Variants in GSE1 observed in about 807,000 individuals in gnomAD.
GSE1 encodes Gse1 coiled-coil protein, also known as genetic suppressor element 1.
Under a neutral mutation model 112.6 loss-of-function variants are expected in GSE1, and 32 were observed. The ratio of observed to expected loss-of-function variants is 0.28; its 90% CI spans 0.21 to 0.38. The LOEUF (loss-of-function observed/expected upper bound fraction) is 0.38, where lower values mean the gene tolerates loss of function less well. Ranked by LOEUF, GSE1 falls within the 10% of genes least tolerant of loss-of-function variation. The probability of loss-of-function intolerance (pLI) is 1.00; values close to 1 mark genes in which losing one functional copy is unlikely to be tolerated. For missense variants in GSE1, 2,348 were observed against 1,699.2 expected (o/e 1.38, Z -6.71); for synonymous variants, 1,115 against 735.6 (o/e 1.52, Z -8.35).
intron 1 of GSE1, among the ~76,000 whole-genome samples, chr16:85,211,300 T>G (rs74791757): frequency 0.054 from 7,789 of 143,498 alleles, 672 homozygotes; most frequent in African/African-American, 0.19. Context: ...AGGCTTGTGG[T>G]TTTTTTTTTT....
chr16:85,192,424 A>G (rs1555536575), intron 1 of GSE1, among the ~76,000 whole-genome samples: 1 of 152,228 alleles, frequency 6.6e-6, no homozygotes, highest in Non-Finnish European at 1.5e-5. Flanking sequence ...CAATGTGCCA[A>G]GCATTGTTAT....
intron 2 of GSE1, among the ~76,000 whole-genome samples, chr16:85,422,583 G>GA (rs34403123): frequency 1.0e-3 from 135 of 131,836 alleles, no homozygotes; most frequent in East Asian, 6.4e-3. Flanking sequence ...CTGGCCAAAA[G>GA]AAAAAAAAAA....
At chr16:85,602,713 C>A (rs898198496) in intron 1 of GSE1, among the ~76,000 whole-genome samples, 2 of 152,178 alleles carry the variant, frequency 1.3e-5, no homozygotes, top group African/African-American at 4.8e-5. Flanking sequence ...TGAGGACAGC[C>A]GGTTGATCTT....
At position 85,331,716 on chromosome 16, in the gene GSE1, T is replaced by A. The variant is rs1305241244; in HGVS notation, c.2284-25747T>A. 8.8e-4 allele frequency among the ~76,000 whole-genome samples: 111 copies of A among 125,650 alleles called. 2 individuals carry two copies. The highest frequency in any genetic ancestry group is 2.5e-3 in the East Asian group (11 of 4,374). 82.4% of individuals were successfully genotyped at this position (125,650 alleles called of 152,430 possible). On this transcript the variant is annotated intron_variant, in intron 1 of 2. Coordinates refer to the GSE1 transcript ENST00000637419. ...ATATATATATATATATATTTTTTTT[T>A]TTTTTTTTTTTAGTTAAGATGGGGT...
At chr16:85,601,656 C>T (rs1198341325) in intron 1 of GSE1, among the ~76,000 whole-genome samples, 1 of 152,202 alleles carries the variant, frequency 6.6e-6, no homozygotes, top group Admixed American at 6.5e-5. Context: ...ACAACTTTGT[C>T]CATCTAACCT....
At position 85,304,610 on chromosome 16, in the gene GSE1, G is replaced by T. The variant is rs531934544; in HGVS notation, c.2284-52853G>T. 2.1e-3 allele frequency among the ~76,000 whole-genome samples: 258 copies of T among 124,690 alleles called. 3 individuals are homozygous for T. Among genetic ancestry groups the T allele is most frequent in the South Asian group, 3.4e-3 (10 of 2,980 alleles). 81.8% of individuals were successfully genotyped at this position (124,690 alleles called of 152,430 possible). A position where few individuals can be genotyped will look rare whatever the true frequency, so the allele number is the denominator to read the frequency against. On this transcript the variant is annotated intron_variant, in intron 1 of 2. Transcript: ENST00000637419. ...GCTGCCAAGCCGGGGGCGGGGGGGT[G>T]GGGCATCCCTTTTGCCTTGAGTCCA...
intron 1 of GSE1, among the ~76,000 whole-genome samples, chr16:85,559,575 G>A (rs1035547902): frequency 6.6e-6 from 1 of 152,270 alleles, no homozygotes; most frequent in Non-Finnish European, 1.5e-5. Flanking sequence ...GCAGTTCACA[G>A]TCAGGCTGGC....
At chr16:85,516,269 G>T (rs1598029430) in intron 2 of GSE1, among the ~76,000 whole-genome samples, 1 of 152,036 alleles carries the variant, frequency 6.6e-6, no homozygotes, top group East Asian at 1.9e-4. Flanking sequence ...CCTTGGGCAG[G>T]CTGCTGCTCT....
intron 1 of GSE1, among the ~76,000 whole-genome samples, chr16:85,181,755 G>A (rs1236286111): frequency 6.6e-6 from 1 of 152,186 alleles, no homozygotes; most frequent in Non-Finnish European, 1.5e-5. Context: ...GACAGGACTG[G>A]CCATGGGGCT....
chr16:85,336,405 A>G (rs543498014), intron 1 of GSE1, among the ~76,000 whole-genome samples: 2 of 152,338 alleles, frequency 1.3e-5, no homozygotes, highest in South Asian at 2.1e-4. Flanking sequence ...ACAGAGCTTC[A>G]GAGATGCCGA....
intron 1 of GSE1, among the ~76,000 whole-genome samples, chr16:85,341,190 G>C (rs1014872702): frequency 6.7e-6 from 1 of 150,016 alleles, no homozygotes; most frequent in Admixed American, 6.6e-5. Context: ...TAGGGGCTCT[G>C]TTGTTTACTT....
At chr16:85,357,241 C>G (rs1221386310) in intron 1 of GSE1, among the ~76,000 whole-genome samples, 6 of 152,228 alleles carry the variant, frequency 3.9e-5, no homozygotes, top group East Asian at 3.8e-4. Context: ...GGGGTCCAGC[C>G]TGGTGTTCCC....
At chr16:85,211,192 G>C (rs1294865134) in intron 1 of GSE1, among the ~76,000 whole-genome samples, 1 of 152,172 alleles carries the variant, frequency 6.6e-6, no homozygotes, top group Non-Finnish European at 1.5e-5. Flanking sequence ...GAGTTCCTTA[G>C]GGCCTCACTT....
intron 1 of GSE1, among the ~76,000 whole-genome samples, chr16:85,252,154 A>C (rs1906554919): frequency 6.6e-6 from 1 of 151,720 alleles, no homozygotes; most frequent in South Asian, 2.1e-4. Context: ...TACTGAGTAG[A>C]TGCTCAGTAA....
At chr16:85,482,507 C>CG (rs139092184) in intron 2 of GSE1, among the ~76,000 whole-genome samples, 2 of 151,998 alleles carry the variant, frequency 1.3e-5, no homozygotes, top group African/African-American at 2.4e-5. Flanking sequence ...AGTTCCCCCC[C>CG]CAAATAAAAT....
Position 85,524,245 on chromosome 16 carries a change from C to T in GSE1, c.2465-109669C>T, listed in dbSNP as rs117228356. The stretch of plus-strand genomic sequence containing the variant: ...CCTTTGGATGTCAGCAGAGGTGACG[C>T]GGGGTGGCGGGGATGGTAAGAGCTC... On this transcript the variant is annotated intron_variant, in intron 2 of 2. Transcript: ENST00000637419. Among the ~76,000 whole-genome samples, 107 of 152,190 alleles carry T rather than the reference C, an allele frequency of 7.0e-4. 1 individual carries two copies. The highest frequency in any genetic ancestry group is 4.9e-3 in the Admixed American group (75 of 15,300).
rs151157646 is a variant in GSE1, at chr16:85,666,074, G to A, written c.2857G>A (p.Glu953Lys). Reference protein sequence around the residue: ...IPKAAEPGKLEQVRPQELSRV... With the variant: ...IPKAAEPGKLKQVRPQELSRV... ...AAAGGCCGCGGAGCCTGGGAAGCTG[G>A]AACAGGTCCGGCCCCAGGAGCTGTC... Residue 953 changes from glutamate to lysine, a missense_variant, in exon 13 of 16, where the codon GAA becomes AAA. Glu to Lys is a moderately conservative substitution (Grantham distance 56, BLOSUM62 1). Transcript: ENST00000253458. The A allele has an allele frequency of 6.5e-5, 105 of 1,613,380 alleles. No homozygotes were observed. In the African/African-American group the frequency reaches 1.2e-3, roughly 19 times the overall value.
upstream of GSE1, chr16:85,555,822 C>A: frequency 2.2e-6 from 2 of 919,532 alleles, no homozygotes; most frequent in Non-Finnish European, 2.6e-6. Flanking sequence ...TTTCTTTCCC[C>A]CCTCTCTCTT....
chr16:85,473,964 C>T (rs1402253829), intron 2 of GSE1, among the ~76,000 whole-genome samples: 1 of 152,072 alleles, frequency 6.6e-6, no homozygotes, highest in African/African-American at 2.4e-5. Flanking sequence ...AGACGAACAG[C>T]CTGGGGGCCG....
Sources: allele counts gnomAD v4.1 joint callset (sites outside exome capture counted in the v4.1 genomes callset), GRCh38; gene constraint gnomAD v4.1.1; transcripts MANE v1.5; gene names NCBI Gene and HGNC (gene_info 2026-07-23, HGNC 2026-07-21).